Variants in NTRK2 observed in about 807,000 individuals in gnomAD.
NTRK2 encodes BDNF/NT-3 growth factors receptor.
In NTRK2, 13 loss-of-function variants were observed where a neutral mutation model predicts 94.5. That is an observed-to-expected ratio of 0.14 (90% CI 0.09 to 0.22). The LOEUF (loss-of-function observed/expected upper bound fraction) is 0.22. Ranked by LOEUF, NTRK2 falls within the 10% of genes least tolerant of loss-of-function variation. NTRK2 has a pLI of 1.00. For missense variants in NTRK2, 639 were observed against 1,071.2 expected, an observed-to-expected ratio of 0.60 and a Z score of 5.63; for synonymous variants, 372 against 407.4, an observed-to-expected ratio of 0.91 and a Z score of 1.05.
intron 14 of NTRK2, chr9:84,876,821 C>T: frequency 9.4e-7 from 1 of 1,062,318 alleles, no homozygotes; most frequent in East Asian, 5.1e-5. Flanking sequence ...TTTCCAAGTG[C>T]TGTCAGAATG....
chr9:84,767,383 A>C (rs1051736876), intron 12 of NTRK2, among the ~76,000 whole-genome samples: 4 of 152,212 alleles, frequency 2.6e-5, no homozygotes, highest in African/African-American at 9.6e-5. Context: ...GATAAGGATG[A>C]AACTAAGATT....
chr9:84,989,571 C>T (rs1002401035), intron 17 of NTRK2, among the ~76,000 whole-genome samples: 2 of 152,182 alleles, frequency 1.3e-5, no homozygotes, highest in Admixed American at 6.5e-5. Context: ...ATTGATCCCA[C>T]TTTTTTCAAG....
In NTRK2 at chr9:84,855,319, A is replaced by G. The variant is rs561852089; in HGVS notation, c.1397-5721A>G. Among the ~76,000 whole-genome samples, 5 of 152,330 alleles carry G rather than the reference A, an allele frequency of 3.3e-5. No homozygotes were observed. The South Asian group carries it at 1.0e-3, about 32-fold the overall frequency. On this transcript the variant is annotated intron_variant, in intron 12 of 18. Transcript: ENST00000277120. Reference sequence around the variant, plus strand: ...AGGTGAGAGATGATGGATGCTTTTCAGTTTCCAGACTCAACTGTTGATAGA... The same window carrying G: ...AGGTGAGAGATGATGGATGCTTTTCGGTTTCCAGACTCAACTGTTGATAGA...
At chr9:84,698,931 A>G (rs1054206293) in intron 2 of NTRK2, among the ~76,000 whole-genome samples, 1 of 152,058 alleles carries the variant, frequency 6.6e-6, no homozygotes, top group Admixed American at 6.5e-5. Context: ...TAGGGGGTAG[A>G]TTTCCTGAGC....
In NTRK2 at chr9:84,670,939, A is replaced by T; in HGVS notation, c.191A>T (p.Asp64Val). ...AFPRLEPNSV[D>V]PENITEIFIA... ...CCGAGATTGGAGCCTAACAGTGTAGATCCTGAGAACATCACCGAAATGTGA... is the reference window on the plus strand; with the variant it reads ...CCGAGATTGGAGCCTAACAGTGTAGTTCCTGAGAACATCACCGAAATGTGA... Residue 64 changes from aspartate to valine, a missense_variant, in exon 2 of 19, where the codon GAT becomes GTT. Transcript: ENST00000277120. 1 of 1,606,048 alleles carries T rather than the reference A, an allele frequency of 6.2e-7. No individual in the cohort carries two copies. The highest frequency in any genetic ancestry group is 8.5e-7 in the Non-Finnish European group (1 of 1,179,982).
intron 14 of NTRK2, among the ~76,000 whole-genome samples, chr9:84,882,165 A>G (rs974416559): frequency 1.3e-5 from 2 of 151,576 alleles, no homozygotes; most frequent in African/African-American, 4.9e-5. Flanking sequence ...CTGTCTAGCC[A>G]TCAAGCCAGG....
intron 17 of NTRK2, among the ~76,000 whole-genome samples, chr9:84,969,717 C>T (rs143625668): frequency 4.6e-5 from 7 of 152,282 alleles, no homozygotes; most frequent in African/African-American, 1.7e-4. Flanking sequence ...GACAACTTCA[C>T]AGATTCTGCC....
chr9:84,730,783 C>CAAAAAAAAAAAAAAAAAAAAAAAAA lies in NTRK2; in HGVS notation c.1159+2825_1159+2849dup. Among the ~76,000 whole-genome samples, 5 of 24,142 alleles carry CAAAAAAAAAAAAAAAAAAAAAAAAA rather than the reference C, an allele frequency of 2.1e-4. 2 individuals are homozygous for CAAAAAAAAAAAAAAAAAAAAAAAAA. Among genetic ancestry groups the CAAAAAAAAAAAAAAAAAAAAAAAAA allele is most frequent in the African/African-American group, 1.8e-4 (1 of 5,640 alleles). 15.8% of individuals were successfully genotyped at this position (24,142 alleles called of 152,430 possible). A position where few individuals can be genotyped will look rare whatever the true frequency, so the allele number is the denominator to read the frequency against. Reference sequence around the variant, plus strand: ...AAACTAAAGAAAAATAAACAAATAGCAAAAAAAAAAAAAAAAAAAAAAAAA... The same window carrying CAAAAAAAAAAAAAAAAAAAAAAAAA: ...AAACTAAAGAAAAATAAACAAATAGCAAAAAAAAAAAAAAAAAAAAAAAAAAAAAAAAAAAAAAAAAAAAAAAAAA... On this transcript the variant is annotated intron_variant, in intron 9 of 18. Transcript: ENST00000277120.
At chr9:84,939,067 A>AAAAAAG (rs1554772373) in intron 15 of NTRK2, among the ~76,000 whole-genome samples, 29 of 144,654 alleles carry the variant, frequency 2.0e-4, no homozygotes, top group African/African-American at 4.1e-4. Flanking sequence ...AAAAAAAAAA[A>AAAAAAG]AAAAGAAAAG....
chr9:84,736,269 G>C (rs530116261), intron 9 of NTRK2, among the ~76,000 whole-genome samples: 2 of 152,200 alleles, frequency 1.3e-5, no homozygotes, highest in Non-Finnish European at 2.9e-5. Flanking sequence ...AGTGACTTGC[G>C]CTTCCTAATT....
chr9:84,707,322 T>C (rs2061166876), intron 4 of NTRK2, among the ~76,000 whole-genome samples: 1 of 152,240 alleles, frequency 6.6e-6, no homozygotes, highest in Non-Finnish European at 1.5e-5. Flanking sequence ...ATTTAGATCA[T>C]ATGTAAACAA....
At chr9:84,756,796 A>G (rs2065125705) in intron 12 of NTRK2, among the ~76,000 whole-genome samples, 2 of 152,274 alleles carry the variant, frequency 1.3e-5, no homozygotes, top group Middle Eastern at 3.4e-3. Flanking sequence ...GAGGTTTCCA[A>G]CTAGTAAAGG....
chr9:84,882,953 G>A (rs1194852910), intron 14 of NTRK2, among the ~76,000 whole-genome samples: 1 of 152,062 alleles, frequency 6.6e-6, no homozygotes, highest in Non-Finnish European at 1.5e-5. Flanking sequence ...TTTTAGTAGA[G>A]ATGGGGTTTC....
chr9:84,681,706 C>T (rs148078282), intron 2 of NTRK2, among the ~76,000 whole-genome samples: 6 of 152,298 alleles, frequency 3.9e-5, no homozygotes, highest in South Asian at 2.1e-4. Context: ...TCTGCCCATA[C>T]GCCACACTGT....
At chr9:84,721,337 G>A (rs536630630) in intron 6 of NTRK2, among the ~76,000 whole-genome samples, 3 of 152,098 alleles carry the variant, frequency 2.0e-5, no homozygotes, top group Non-Finnish European at 2.9e-5. Context: ...CACTGCGCAC[G>A]GCTAATTTTT....
intron 12 of NTRK2, among the ~76,000 whole-genome samples, chr9:84,856,277 A>G (rs1214939799): frequency 6.6e-6 from 1 of 152,152 alleles, no homozygotes; most frequent in African/African-American, 2.4e-5. Flanking sequence ...CTCTCTTCCT[A>G]CACTGTGGAG....
At chr9:84,849,527 A>G (rs2074649178) in intron 12 of NTRK2, among the ~76,000 whole-genome samples, 1 of 152,236 alleles carries the variant, frequency 6.6e-6, no homozygotes, top group Non-Finnish European at 1.5e-5. Flanking sequence ...GTTGCAATCC[A>G]TCCAAGATTT....
At chr9:84,698,248 T>A (rs2060507594) in intron 2 of NTRK2, among the ~76,000 whole-genome samples, 2 of 152,136 alleles carry the variant, frequency 1.3e-5, no homozygotes, top group Admixed American at 1.3e-4. Context: ...TGTGATATTA[T>A]TTTTTGTGTA....
intron 4 of NTRK2, 115 bp downstream of exon 4, chr9:84,702,534 C>A: frequency 2.3e-6 from 2 of 887,452 alleles, no homozygotes; most frequent in Non-Finnish European, 3.8e-6. Flanking sequence ...GTTAGTATAG[C>A]TGTGATAATA....
Sources: allele counts gnomAD v4.1 joint callset (sites outside exome capture counted in the v4.1 genomes callset), GRCh38; gene constraint gnomAD v4.1.1; transcripts MANE v1.5; gene names NCBI Gene and HGNC (gene_info 2026-07-23, HGNC 2026-07-21).